Variants in ASAH1 observed in about 807,000 individuals in gnomAD.
ASAH1 encodes acid ceramidase.
Under a neutral mutation model 59.5 loss-of-function variants are expected in ASAH1, and 70 were observed. The observed-to-expected ratio is 1.18, with a 90% CI of 0.97 to 1.43. The LOEUF (loss-of-function observed/expected upper bound fraction) is 1.43, where lower values mean the gene tolerates loss of function less well. Among genes scored for constraint, ASAH1 ranks in the 40% most tolerant of loss-of-function variants. ASAH1 has a pLI of 0.00. For synonymous variants in ASAH1, 213 were observed against 166.5 expected, an observed-to-expected ratio of 1.28 and a Z score of -2.15; for missense variants, 660 against 482.5, an observed-to-expected ratio of 1.37 and a Z score of -3.45.
upstream of ASAH1, chr8:18,084,879 C>T (rs1466079206): frequency 2.5e-6 from 4 of 1,575,844 alleles, no homozygotes; most frequent in African/African-American, 5.4e-5. Context: ...GAGGCGGACG[C>T]GAGTAGCTCG....
intron 2 of ASAH1, among the ~76,000 whole-genome samples, chr8:18,072,972 G>C (rs1356235979): frequency 6.6e-6 from 1 of 152,072 alleles, no homozygotes; most frequent in East Asian, 1.9e-4. Flanking sequence ...TCCTGGGTAG[G>C]TTCATGGATC....
At chr8:18,079,880 G>C (rs1800580714) in intron 1 of ASAH1, among the ~76,000 whole-genome samples, 1 of 152,224 alleles carries the variant, frequency 6.6e-6, no homozygotes, top group Admixed American at 6.5e-5. Context: ...GCTTGAAAAT[G>C]TTTTCACTTG....
chr8:18,078,442 G>A (rs7460605), intron 1 of ASAH1, among the ~76,000 whole-genome samples: 88,113 of 151,964 alleles, frequency 0.58, 25,775 homozygotes, highest in Non-Finnish European at 0.61. Flanking sequence ...AATAGGATAA[G>A]TGTGACAGAA....
At chr8:18,068,638 C>G (rs915573915) in intron 4 of ASAH1, 1 of 152,218 alleles carries the variant, frequency 6.6e-6, no homozygotes, top group African/African-American at 2.4e-5. Context: ...TTACCAGCAT[C>G]CAGTGGGTAA....
intron 10 of ASAH1, chr8:18,060,538 A>G (rs1053662150): frequency 2.0e-5 from 3 of 152,288 alleles, no homozygotes; most frequent in African/African-American, 4.8e-5. Flanking sequence ...AACCTTCTTG[A>G]AAATTAGGAC....
chr8:18,056,601 A>G lies in ASAH1; in HGVS notation c.*933T>C, dbSNP rs886062776. ...ACAAGTTCTATTAGTACTTTTCATAAGCAGTTTGATTTCTGAAAAATACAG... is the reference window on the plus strand; with the variant it reads ...ACAAGTTCTATTAGTACTTTTCATAGGCAGTTTGATTTCTGAAAAATACAG... On this transcript the variant is annotated 3_prime_UTR_variant, in exon 14 of 14. Coordinates refer to ENST00000637790, the MANE Select transcript of ASAH1 (RefSeq NM_177924.5). 1.3e-5 allele frequency: 2 copies of G among 152,236 alleles called. No homozygotes were observed. Among genetic ancestry groups the G allele is most frequent in the Non-Finnish European group, 2.9e-5 (2 of 68,050 alleles). 9.4% of individuals were successfully genotyped at this position (152,236 alleles called of 1,614,324 possible).
intron 12 of ASAH1, 182 bp downstream of exon 12, chr8:18,059,159 A>T: frequency 1.1e-6 from 1 of 914,262 alleles, no homozygotes; most frequent in South Asian, 1.7e-5. Context: ...AGAAAAGGAA[A>T]GTACAGCACA....
chr8:18,084,153 C>G, upstream of ASAH1: 1 of 1,563,894 alleles, frequency 6.4e-7, no homozygotes, highest in Non-Finnish European at 8.6e-7. Context: ...GCCGCGTGAC[C>G]CGCGACCTGG....
At chr8:18,061,313 T>A in intron 10 of ASAH1, 64 bp downstream of exon 10, 1 of 1,369,200 alleles carries the variant, frequency 7.3e-7, no homozygotes, top group South Asian at 1.3e-5. Flanking sequence ...TGACAAATAT[T>A]TTTATTTTTT....
rs375753053 is a variant in ASAH1 at position 18,063,208 on chromosome 8, G to A, written c.480C>T (p.Asn160=). Residue 160 remains asparagine, a synonymous_variant, in exon 7 of 14, where the codon AAC becomes AAT. Transcript: ENST00000637790. ...ACCCAAGAAATACTCCAAAATCCAT[G>A]TTTCTCCCATGTATTAGATGACCTA... is the stretch of plus-strand genomic sequence containing the variant. ...DKKGHLIHGR[N]MDFGVFLGWN... 7 of 1,613,698 alleles carry A rather than the reference G, an allele frequency of 4.3e-6. No individual in the cohort carries two copies. The highest frequency in any genetic ancestry group is 5.9e-6 in the Non-Finnish European group (7 of 1,179,810).
intron 10 of ASAH1, chr8:18,061,093 CT>C (rs1208425553): frequency 1.5e-5 from 5 of 328,300 alleles, no homozygotes; most frequent in Non-Finnish European, 2.9e-5. Context: ...TATGACTGTT[CT>C]TTTGTGTGTG....
intron 2 of ASAH1, among the ~76,000 whole-genome samples, chr8:18,072,658 T>C (rs1442331432): frequency 1.3e-5 from 2 of 152,226 alleles, no homozygotes; most frequent in African/African-American, 4.8e-5. Context: ...AAAAAACTTT[T>C]CATCACAACA....
intron 8 of ASAH1, 83 bp from the exon 9 acceptor site, chr8:18,061,823 A>C: frequency 7.8e-7 from 1 of 1,281,524 alleles, no homozygotes; most frequent in Non-Finnish European, 1.1e-6. Context: ...TCAGAGTGGG[A>C]TATAAAGGCC....
intron 7 of ASAH1, 60 bp downstream of exon 7, chr8:18,063,125 C>T: frequency 6.5e-7 from 1 of 1,538,384 alleles, no homozygotes; most frequent in Non-Finnish European, 9.0e-7. Context: ...GTGTCAGCCT[C>T]CCAAAAAGCT....
At chr8:18,064,137 G>A (rs981650217) in intron 6 of ASAH1, 3 of 503,050 alleles carry the variant, frequency 6.0e-6, no homozygotes, top group Non-Finnish European at 1.0e-5. Context: ...AGATAAGGAA[G>A]CACCTCCTGC....
intron 2 of ASAH1, among the ~76,000 whole-genome samples, chr8:18,073,759 G>C (rs1053417473): frequency 6.6e-6 from 1 of 152,144 alleles, no homozygotes; most frequent in Non-Finnish European, 1.5e-5. Context: ...TCATTCAAAG[G>C]TACATAAATA....
intron 13 of ASAH1, 160 bp downstream of exon 13, chr8:18,058,675 A>G: frequency 1.5e-6 from 1 of 655,510 alleles, no homozygotes; most frequent in South Asian, 1.8e-5. Flanking sequence ...TGTATTCCAA[A>G]ATACAGTTTT....
At chr8:18,079,298 C>A (rs868509082) in intron 1 of ASAH1, among the ~76,000 whole-genome samples, 2 of 141,624 alleles carry the variant, frequency 1.4e-5, no homozygotes, top group African/African-American at 2.6e-5. Context: ...ACAAAAAACT[C>A]TCTGGAAAGT....
Position 18,075,524 on chromosome 8 carries a change from A to G in ASAH1, c.125+17T>C. 1 of 1,613,874 alleles carries G rather than the reference A, an allele frequency of 6.2e-7. No homozygotes were observed. Among genetic ancestry groups the G allele is most frequent in the Admixed American group, 1.7e-5 (1 of 60,030 alleles). On this transcript the variant is annotated intron_variant, in intron 2 of 13. Transcript: ENST00000637790. The stretch of plus-strand genomic sequence containing the variant: ...ACAAAGGTCAAAGGGAGTTTTGATC[A>G]TCTGATGTTTACTCACGTTGGTCCT...
Sources: allele counts gnomAD v4.1 joint callset (sites outside exome capture counted in the v4.1 genomes callset), GRCh38; gene constraint gnomAD v4.1.1; transcripts MANE v1.5; gene names NCBI Gene and HGNC (gene_info 2026-07-23, HGNC 2026-07-21).